The following WWTR1 variants were observed in gnomAD, a reference collection of about 807,000 sequenced individuals.
The protein encoded by WWTR1 is WW domain-containing transcription regulator protein 1.
A neutral mutation model predicts 40.1 loss-of-function variants in WWTR1; 13 were observed. That is an observed-to-expected ratio of 0.32 (90% confidence interval 0.21 to 0.52). The LOEUF is 0.52. WWTR1 is among the 20% of genes least tolerant of loss of function. WWTR1 has a pLI of 0.97. For synonymous variants in WWTR1, 230 were observed against 210.1 expected (o/e 1.09, Z -0.82); for missense variants, 436 against 523.1 (o/e 0.83, Z 1.63).
At position 149,557,061 on chromosome 3, in the gene WWTR1, C is replaced by CTTT. The variant is rs3044118; in HGVS notation, c.569-14527_569-14525dup. ...TCCTAGTGTTCCCTACTGGAATCTT[C>CTTT]TTTTTTTTTTTTTTTTTTTTTTTTT... On this transcript the variant is annotated intron_variant, in intron 3 of 6. Transcript: ENST00000360632. Among the ~76,000 whole-genome samples, 479 of 64,352 alleles carry CTTT rather than the reference C, an allele frequency of 7.4e-3. 77 individuals carry two copies. Among genetic ancestry groups the CTTT allele is most frequent in the East Asian group, 0.018 (25 of 1,368 alleles). 42.2% of individuals were successfully genotyped at this position (64,352 alleles called of 152,430 possible). A position where few individuals can be genotyped will look rare whatever the true frequency, so the allele number is the denominator to read the frequency against.
At chr3:149,627,049 A>T (rs1740577392) in intron 2 of WWTR1, among the ~76,000 whole-genome samples, 2 of 152,220 alleles carry the variant, frequency 1.3e-5, no homozygotes, top group South Asian at 4.1e-4. Flanking sequence ...GGGTCATCAG[A>T]TTTAGCAAAT....
At chr3:149,555,475 A>C (rs1420455450) in intron 3 of WWTR1, among the ~76,000 whole-genome samples, 1 of 151,504 alleles carries the variant, frequency 6.6e-6, no homozygotes, top group African/African-American at 2.4e-5. Flanking sequence ...TTGGGCCAGG[A>C]CCACTCAGGA....
At chr3:149,650,907 C>A (rs1712829394) in intron 2 of WWTR1, among the ~76,000 whole-genome samples, 1 of 152,202 alleles carries the variant, frequency 6.6e-6, no homozygotes, top group African/African-American at 2.4e-5. Flanking sequence ...CAGCTGTAAT[C>A]CAGAGTCAAA....
At chr3:149,629,225 C>A (rs1711499874) in intron 2 of WWTR1, among the ~76,000 whole-genome samples, 1 of 152,210 alleles carries the variant, frequency 6.6e-6, no homozygotes, top group Non-Finnish European at 1.5e-5. Flanking sequence ...AAAATAAATA[C>A]TGTTGTTTAT....
intron 2 of WWTR1, among the ~76,000 whole-genome samples, chr3:149,643,365 AC>A (rs1712297637): frequency 6.6e-6 from 1 of 152,230 alleles, no homozygotes; most frequent in South Asian, 2.1e-4. Context: ...GCCAGCAATA[AC>A]AGTCCTGTGC....
intron 5 of WWTR1, among the ~76,000 whole-genome samples, chr3:149,717,125 C>T (rs966226589): frequency 1.3e-5 from 2 of 152,104 alleles, no homozygotes; most frequent in African/African-American, 2.4e-5. Flanking sequence ...TGAGATTGTG[C>T]GACTCCCCAG....
At chr3:149,521,704 C>T (rs1429835386) in intron 6 of WWTR1, among the ~76,000 whole-genome samples, 2 of 152,146 alleles carry the variant, frequency 1.3e-5, no homozygotes, top group Admixed American at 6.6e-5. Flanking sequence ...TGAGAAAATG[C>T]TGTACTAGAG....
At chr3:149,529,769 A>G (rs1488542262) in intron 4 of WWTR1, among the ~76,000 whole-genome samples, 1 of 152,176 alleles carries the variant, frequency 6.6e-6, no homozygotes, top group Admixed American at 6.5e-5. Flanking sequence ...CCTGAGTCCC[A>G]CCAGTCCCCA....
At chr3:149,698,070 AG>A (rs1177926476) in intron 1 of WWTR1, among the ~76,000 whole-genome samples, 41 of 152,304 alleles carry the variant, frequency 2.7e-4, no homozygotes, top group African/African-American at 8.9e-4. Flanking sequence ...CACAGGTTGG[AG>A]TTGAGTACTT....
At chr3:149,525,906 A>C in intron 6 of WWTR1, 107 bp downstream of exon 6, 1 of 661,492 alleles carries the variant, frequency 1.5e-6, no homozygotes, top group Non-Finnish European at 2.3e-6. Context: ...ATAAAATAAA[A>C]GTTGAAATTA....
chr3:149,565,452 C>CATCCA (rs919123645), intron 3 of WWTR1, among the ~76,000 whole-genome samples: 5 of 152,132 alleles, frequency 3.3e-5, no homozygotes, highest in African/African-American at 9.6e-5. Context: ...AATAAAGACT[C>CATCCA]ATCCACATTA....
At chr3:149,530,605 TTGTG>T (rs927044210) in intron 4 of WWTR1, among the ~76,000 whole-genome samples, 5 of 151,634 alleles carry the variant, frequency 3.3e-5, no homozygotes, top group African/African-American at 7.3e-5. Flanking sequence ...AAAATAATGC[TTGTG>T]TGTGTCTAAA....
intron 1 of WWTR1, among the ~76,000 whole-genome samples, chr3:149,687,797 C>T (rs1714701018): frequency 6.6e-6 from 1 of 151,814 alleles, no homozygotes; most frequent in Non-Finnish European, 1.5e-5. Flanking sequence ...CCACACAGAC[C>T]CCTAAGGTCC....
intron 3 of WWTR1, among the ~76,000 whole-genome samples, chr3:149,557,434 G>A (rs1398761513): frequency 2.0e-5 from 3 of 151,978 alleles, no homozygotes; most frequent in Non-Finnish European, 4.4e-5. Context: ...ATGACTTACG[G>A]GGAAGTACAG....
chr3:149,569,026 A>C (rs1185109341), intron 3 of WWTR1, among the ~76,000 whole-genome samples: 1 of 152,182 alleles, frequency 6.6e-6, no homozygotes, highest in African/African-American at 2.4e-5. Context: ...TCGGTCTCCC[A>C]AAGTGCTGGG....
intron 4 of WWTR1, chr3:149,540,294 A>G (rs749821700): frequency 2.2e-6 from 1 of 456,598 alleles, no homozygotes; most frequent in Non-Finnish European, 4.4e-6. Context: ...TTTCTGTAAT[A>G]TGAACCATCA....
chr3:149,718,846 G>C (rs1177870929), intron 4 of WWTR1, among the ~76,000 whole-genome samples: 1 of 151,102 alleles, frequency 6.6e-6, no homozygotes, highest in Non-Finnish European at 1.5e-5. Context: ...TTTTTCTTGT[G>C]GCAGGGTCTC....
chr3:149,693,296 G>A (rs980953264), intron 1 of WWTR1, among the ~76,000 whole-genome samples: 1 of 152,076 alleles, frequency 6.6e-6, no homozygotes, highest in African/African-American at 2.4e-5. Flanking sequence ...TCTATACCAT[G>A]ACAACTATAA....
chr3:149,707,053 G>T (rs947704443), upstream of WWTR1, among the ~76,000 whole-genome samples: 3 of 152,156 alleles, frequency 2.0e-5, no homozygotes, highest in African/African-American at 4.8e-5. Context: ...AGTAACTTTA[G>T]CCCTCTTCCA....
Sources: gnomAD v4.1 joint callset for allele counts (sites outside exome capture counted in the v4.1 genomes callset) on GRCh38, gnomAD v4.1.1 for gene constraint, MANE v1.5 for transcripts, NCBI Gene and HGNC (gene_info 2026-07-23, HGNC 2026-07-21) for gene names.